CNTNAP2: variants seen among roughly 807,000 people sequenced by gnomAD.
CNTNAP2 encodes contactin-associated protein-like 2.
CNTNAP2 carries 98 observed loss-of-function variants against 155.2 expected under a neutral mutation model. That is an observed-to-expected ratio of 0.63 (90% CI 0.54 to 0.75). The LOEUF is 0.75. Among genes scored for constraint, CNTNAP2 ranks in the 30% least tolerant of loss-of-function variants. CNTNAP2 has a pLI of 0.00. For synonymous variants in CNTNAP2, 651 were observed against 631.2 expected (o/e 1.03, Z -0.47); for missense variants, 1,727 against 1,688.1 (o/e 1.02, Z -0.40).
At chr7:148,259,691 G>A (rs1374478585) in intron 20 of CNTNAP2, among the ~76,000 whole-genome samples, 3 of 152,180 alleles carry the variant, frequency 2.0e-5, no homozygotes, top group East Asian at 1.9e-4. Context: ...AAGCGTAAAC[G>A]GCTGATGAAA....
Position 146,286,605 on chromosome 7 carries a change from C to T in CNTNAP2, c.97+169632C>T, listed in dbSNP as rs147033451. ...ATTTTGCCACTCCCTGTTAAAAACC[C>T]CTGAATGACTTCCTGTCATTCCTGA... On this transcript the variant is annotated intron_variant, in intron 1 of 23. Transcript: ENST00000361727. Among the ~76,000 whole-genome samples the T allele has an allele frequency of 2.5e-3, 375 of 152,234 alleles. 2 individuals carry two copies. Among genetic ancestry groups the T allele is most frequent in the African/African-American group, 8.4e-3 (350 of 41,520 alleles).
intron 1 of CNTNAP2, among the ~76,000 whole-genome samples, chr7:146,388,986 C>A (rs1795501465): frequency 6.6e-6 from 1 of 152,090 alleles, no homozygotes; most frequent in Non-Finnish European, 1.5e-5. Context: ...TACAGGGGAT[C>A]CTGACTTCAG....
chr7:147,153,452 C>A (rs1283834428), intron 8 of CNTNAP2, among the ~76,000 whole-genome samples: 1 of 151,982 alleles, frequency 6.6e-6, no homozygotes, highest in Admixed American at 6.6e-5. Flanking sequence ...CAAAACACAT[C>A]AGCATAAACC....
intron 1 of CNTNAP2, among the ~76,000 whole-genome samples, chr7:146,314,011 A>ATG (rs1191863321): frequency 6.8e-6 from 1 of 146,918 alleles, no homozygotes; most frequent in African/African-American, 2.7e-5. Context: ...AAAATTATAT[A>ATG]TGTATATATA....
At chr7:146,911,493 C>T (rs1436297644) in intron 3 of CNTNAP2, among the ~76,000 whole-genome samples, 2 of 151,992 alleles carry the variant, frequency 1.3e-5, no homozygotes, top group African/African-American at 4.8e-5. Context: ...TTGATGAGTT[C>T]ATATCCTTTG....
At chr7:147,654,311 G>C (rs935682013) in intron 13 of CNTNAP2, among the ~76,000 whole-genome samples, 3 of 152,172 alleles carry the variant, frequency 2.0e-5, no homozygotes, top group African/African-American at 7.2e-5. Context: ...TAAAATAATT[G>C]TTTAAATATA....
chr7:146,459,155 T>C (rs1796600698), intron 1 of CNTNAP2, among the ~76,000 whole-genome samples: 1 of 152,306 alleles, frequency 6.6e-6, no homozygotes, highest in East Asian at 1.9e-4. Context: ...TTACACCATC[T>C]TTGCATGACT....
chr7:148,038,387 CAAGT>C (rs1381976501), intron 15 of CNTNAP2, among the ~76,000 whole-genome samples: 1 of 152,220 alleles, frequency 6.6e-6, no homozygotes, highest in African/African-American at 2.4e-5. Flanking sequence ...AGACTCAGTT[CAAGT>C]ATCTATGATC....
chr7:147,009,433 C>G (rs1489528946), intron 3 of CNTNAP2, among the ~76,000 whole-genome samples: 1 of 152,120 alleles, frequency 6.6e-6, no homozygotes, highest in Non-Finnish European at 1.5e-5. Flanking sequence ...CAGTTTTCAT[C>G]CAGACTTAGT....
intron 3 of CNTNAP2, among the ~76,000 whole-genome samples, chr7:146,945,435 G>T (rs1296843858): frequency 6.6e-6 from 1 of 152,120 alleles, no homozygotes; most frequent in Non-Finnish European, 1.5e-5. Flanking sequence ...AGTATTTATG[G>T]TTAGTCAAAT....
intron 11 of CNTNAP2, among the ~76,000 whole-genome samples, chr7:147,545,627 G>T (rs1266381675): frequency 6.6e-6 from 1 of 152,190 alleles, no homozygotes; most frequent in East Asian, 1.9e-4. Flanking sequence ...GGGCTGGGCA[G>T]TCTGTGATGT....
At chr7:146,831,116 C>T (rs1803501791) in intron 2 of CNTNAP2, among the ~76,000 whole-genome samples, 2 of 152,200 alleles carry the variant, frequency 1.3e-5, no homozygotes, top group African/African-American at 4.8e-5. Flanking sequence ...TAACCTACCA[C>T]TATTGCCTCC....
At chr7:146,801,907 A>C (rs1215217053) in intron 2 of CNTNAP2, among the ~76,000 whole-genome samples, 2 of 152,222 alleles carry the variant, frequency 1.3e-5, no homozygotes, top group Non-Finnish European at 2.9e-5. Flanking sequence ...ATTTTAATGA[A>C]TGTGTGGAGC....
intron 11 of CNTNAP2, among the ~76,000 whole-genome samples, chr7:147,536,335 G>C (rs1247889221): frequency 1.3e-5 from 2 of 152,230 alleles, no homozygotes; most frequent in African/African-American, 4.8e-5. Flanking sequence ...TACAGATAAA[G>C]TCCCTGCCCT....
chr7:147,389,158 A>G (rs1441084116), intron 9 of CNTNAP2, among the ~76,000 whole-genome samples: 1 of 152,078 alleles, frequency 6.6e-6, no homozygotes, highest in Admixed American at 6.5e-5. Context: ...AGGAAGGTTG[A>G]GTAAACAGTA....
At chr7:147,533,525 C>T (rs928451612) in intron 11 of CNTNAP2, among the ~76,000 whole-genome samples, 3 of 151,620 alleles carry the variant, frequency 2.0e-5, no homozygotes, top group African/African-American at 7.3e-5. Flanking sequence ...AAAATTGAAT[C>T]TTTTAAAGTC....
At chr7:147,640,337 A>G (rs1200156975) in intron 13 of CNTNAP2, among the ~76,000 whole-genome samples, 2 of 152,156 alleles carry the variant, frequency 1.3e-5, no homozygotes, top group Non-Finnish European at 2.9e-5. Flanking sequence ...ACCTTTTGAT[A>G]TTAAGCCTCA....
At chr7:148,040,326 ATC>A (rs1369693715) in intron 15 of CNTNAP2, among the ~76,000 whole-genome samples, 2 of 152,240 alleles carry the variant, frequency 1.3e-5, no homozygotes, top group Non-Finnish European at 2.9e-5. Flanking sequence ...CCACGGAGAG[ATC>A]TCTCTTCTAC....
In CNTNAP2 at chr7:146,189,043, G is replaced by C. The variant is rs186423209; in HGVS notation, c.97+72070G>C. ...TAATTATGAATTTTATTACACAAAA[G>C]CTACTTTTAATCACAATACTCAGAA... is the stretch of plus-strand genomic sequence containing the variant. On this transcript the variant is annotated intron_variant, in intron 1 of 23. Coordinates refer to ENST00000361727, the MANE Select transcript of CNTNAP2 (RefSeq NM_014141.6). 5.0e-3 allele frequency among the ~76,000 whole-genome samples: 765 copies of C among 152,240 alleles called. 3 individuals are homozygous for C. The highest frequency in any genetic ancestry group is 7.6e-3 in the Non-Finnish European group (517 of 68,016).
Sources: gnomAD v4.1 joint callset for allele counts (sites outside exome capture counted in the v4.1 genomes callset) on GRCh38, gnomAD v4.1.1 for gene constraint, MANE v1.5 for transcripts, NCBI Gene and HGNC (gene_info 2026-07-23, HGNC 2026-07-21) for gene names.